The following RIPOR2 variants were observed in gnomAD, a reference collection of about 807,000 sequenced individuals.
The protein encoded by RIPOR2 is RHO family interacting cell polarization regulator 2, also known as rho family-interacting cell polarization regulator 2.
Under a neutral mutation model 114.5 loss-of-function variants are expected in RIPOR2, and 39 were observed. That is an observed-to-expected ratio of 0.34 (90% confidence interval 0.26 to 0.44). RIPOR2 has a LOEUF of 0.44. Among genes scored for constraint, RIPOR2 ranks in the 20% least tolerant of loss-of-function variants. RIPOR2 has a pLI of 1.00. For synonymous variants in RIPOR2, 445 were observed against 484.4 expected (o/e 0.92, Z 1.07); for missense variants, 1,007 against 1,255.1 (o/e 0.80, Z 2.99).
intron 1 of RIPOR2, among the ~76,000 whole-genome samples, chr6:24,909,611 G>A (rs748460091): frequency 1.4e-4 from 22 of 152,216 alleles, no homozygotes; most frequent in Non-Finnish European, 2.6e-4. Context: ...GCTCACACAG[G>A]ATGCCCAGTC....
chr6:24,849,910 C>T lies in RIPOR2; in HGVS notation c.926G>A (p.Gly309Asp), dbSNP rs750928792. 3 of 1,613,844 alleles carry T rather than the reference C, an allele frequency of 1.9e-6. No individual in the cohort carries two copies. Among genetic ancestry groups the T allele is most frequent in the Admixed American group, 3.3e-5 (2 of 60,008 alleles). Residue 309 changes from glycine to aspartate, a missense_variant, in exon 11 of 22, where the codon GGT becomes GAT. Coordinates refer to ENST00000643898, the MANE Select transcript of RIPOR2 (RefSeq NM_001286445.3). The part of the protein sequence containing the change: ...LKGLATHILV[G>D]SVTCETKELF... ...CTCTTTGGTCTCACAGGTCACGCTA[C>T]CTACCAGGATGTGAGTTGCTAGCCC... is the stretch of plus-strand genomic sequence containing the variant.
chr6:24,862,721 C>T (rs1024582517), intron 7 of RIPOR2, among the ~76,000 whole-genome samples: 1 of 152,026 alleles, frequency 6.6e-6, no homozygotes, highest in Non-Finnish European at 1.5e-5. Flanking sequence ...GGATTGCTAC[C>T]AGTATCTCTG....
intron 1 of RIPOR2, among the ~76,000 whole-genome samples, chr6:25,028,968 C>T (rs935340678): frequency 6.6e-6 from 1 of 152,098 alleles, no homozygotes; most frequent in Non-Finnish European, 1.5e-5. Flanking sequence ...CTGGAGGCAG[C>T]AGAGTGCTGG....
chr6:24,809,662 C>A (rs545920213), intron 21 of RIPOR2, 55 bp downstream of exon 21: 2 of 1,178,892 alleles, frequency 1.7e-6, no homozygotes, highest in Non-Finnish European at 2.5e-6. Flanking sequence ...ATGGGAACAT[C>A]CGTTAGAGAG....
intron 1 of RIPOR2, among the ~76,000 whole-genome samples, chr6:25,002,947 A>C (rs1484133019): frequency 2.0e-5 from 3 of 152,256 alleles, no homozygotes; most frequent in South Asian, 2.1e-4. Context: ...CCAAGTACAA[A>C]AAGTGATTTA....
At chr6:24,957,861 C>T (rs573799199) in intron 1 of RIPOR2, among the ~76,000 whole-genome samples, 4 of 152,192 alleles carry the variant, frequency 2.6e-5, no homozygotes, top group African/African-American at 9.6e-5. Flanking sequence ...GGCGACAGAG[C>T]GAAGACTCCG....
At chr6:24,868,783 T>G (rs990584065) in intron 6 of RIPOR2, among the ~76,000 whole-genome samples, 3 of 152,242 alleles carry the variant, frequency 2.0e-5, no homozygotes, top group African/African-American at 7.2e-5. Flanking sequence ...AAGTTTTTTG[T>G]AGGGCTAGTT....
chr6:24,881,025 C>T (rs1318705602), intron 1 of RIPOR2, among the ~76,000 whole-genome samples: 2 of 152,118 alleles, frequency 1.3e-5, no homozygotes, highest in African/African-American at 2.4e-5. Context: ...GGGTGGATCA[C>T]GAGGTCAGGA....
At chr6:24,876,158 C>T (rs9467342) in intron 1 of RIPOR2, among the ~76,000 whole-genome samples, 1,569 of 151,866 alleles carry the variant, frequency 0.01, 25 homozygotes, top group African/African-American at 0.035. Flanking sequence ...GGCGTGGTGG[C>T]GCATGTCTGT....
chr6:24,906,170 T>C (rs1331117567), intron 1 of RIPOR2, among the ~76,000 whole-genome samples: 1 of 152,188 alleles, frequency 6.6e-6, no homozygotes, highest in Non-Finnish European at 1.5e-5. Flanking sequence ...GCCTTTTGAC[T>C]GTCCCTAACT....
chr6:24,990,270 A>G (rs1774746971), intron 1 of RIPOR2, among the ~76,000 whole-genome samples: 2 of 152,250 alleles, frequency 1.3e-5, no homozygotes, highest in Admixed American at 6.5e-5. Context: ...TGGACGTGTC[A>G]AAGGACAAGA....
chr6:24,977,929 G>A (rs1424489845), intron 1 of RIPOR2, among the ~76,000 whole-genome samples: 1 of 152,146 alleles, frequency 6.6e-6, no homozygotes, highest in African/African-American at 2.4e-5. Flanking sequence ...AAAACTCCAC[G>A]GATATAGGGA....
chr6:24,859,534 T>C (rs1359564599), intron 8 of RIPOR2, among the ~76,000 whole-genome samples: 1 of 151,972 alleles, frequency 6.6e-6, no homozygotes, highest in Non-Finnish European at 1.5e-5. Flanking sequence ...ATGTAGAGAA[T>C]GGACCTAAAA....
chr6:24,819,662 A>ATTTTTTTTTTTTTTTTTTTTTT (rs35638159), intron 19 of RIPOR2, among the ~76,000 whole-genome samples: 1 of 103,312 alleles, frequency 9.7e-6, no homozygotes, highest in South Asian at 4.2e-4. Flanking sequence ...CGCCCAGCTA[A>ATTTTTTTTTTTTTTTTTTTTTT]TTTTTTTTTT....
At chr6:24,877,959 G>A (rs1484166241) in intron 1 of RIPOR2, among the ~76,000 whole-genome samples, 1 of 152,196 alleles carries the variant, frequency 6.6e-6, no homozygotes, top group African/African-American at 2.4e-5. Flanking sequence ...CAGAGCAGGT[G>A]ACCAGGGGTG....
chr6:24,928,140 G>A (rs913811241), intron 1 of RIPOR2, among the ~76,000 whole-genome samples: 9 of 152,112 alleles, frequency 5.9e-5, no homozygotes, highest in Non-Finnish European at 8.8e-5. Context: ...GATGCTTGTG[G>A]AGATTAATAG....
intron 12 of RIPOR2, among the ~76,000 whole-genome samples, chr6:24,846,301 CTT>C (rs1233193249): frequency 1.7e-4 from 16 of 91,712 alleles, no homozygotes; most frequent in African/African-American, 6.1e-4. Flanking sequence ...TTTCACCTGC[CTT>C]TTTTTTTTTT....
chr6:24,819,662 ATTTTT>A lies in RIPOR2; in HGVS notation c.2869-1042_2869-1038del, dbSNP rs35638159. Among the ~76,000 whole-genome samples the A allele has an allele frequency of 5.8e-5, 6 of 103,312 alleles. No homozygotes were observed. In the South Asian group the frequency reaches 2.1e-3, roughly 36 times the overall value. 67.8% of individuals were successfully genotyped at this position (103,312 alleles called of 152,430 possible). A position where few individuals can be genotyped will look rare whatever the true frequency, so the allele number is the denominator to read the frequency against. On this transcript the variant is annotated intron_variant, in intron 19 of 21. Transcript: ENST00000643898. ...AGGTGCCCACCACCACGCCCAGCTA[ATTTTT>A]TTTTTTTTTTTTTTTAGTGGAGACA... is the stretch of plus-strand genomic sequence containing the variant.
chr6:24,818,196 C>T (rs1759337685), intron 20 of RIPOR2, among the ~76,000 whole-genome samples: 1 of 152,070 alleles, frequency 6.6e-6, no homozygotes, highest in Non-Finnish European at 1.5e-5. Flanking sequence ...CTCCTGACCT[C>T]AGGTGATCCA....
Sources: gnomAD v4.1 joint callset for allele counts (sites outside exome capture counted in the v4.1 genomes callset) on GRCh38, gnomAD v4.1.1 for gene constraint, MANE v1.5 for transcripts, NCBI Gene and HGNC (gene_info 2026-07-23, HGNC 2026-07-21) for gene names.